The following MAPK10 variants were observed in gnomAD, a reference collection of about 807,000 sequenced individuals.
MAPK10 encodes the protein mitogen-activated protein kinase 10, also known as JNK3 alpha protein kinase.
In MAPK10, 25 loss-of-function variants were observed where a neutral mutation model predicts 59.3. That is an observed-to-expected ratio of 0.42 (90% CI 0.31 to 0.59). The LOEUF (loss-of-function observed/expected upper bound fraction) is 0.59, where lower values mean the gene tolerates loss of function less well. Ranked by LOEUF, MAPK10 falls within the 20% of genes least tolerant of loss-of-function variation. The pLI is 0.15. For synonymous variants in MAPK10, 190 were observed against 200.5 expected (o/e 0.95, Z 0.44); for missense variants, 351 against 568.9 (o/e 0.62, Z 3.90).
intron 2 of MAPK10, among the ~76,000 whole-genome samples, chr4:86,240,620 T>C (rs1280085382): frequency 2.0e-5 from 3 of 152,212 alleles, no homozygotes; most frequent in Admixed American, 6.5e-5. Flanking sequence ...TGGATCTTTG[T>C]TGGTTGAAAG....
At chr4:86,348,101 C>T (rs951433710) in intron 2 of MAPK10, among the ~76,000 whole-genome samples, 14 of 152,122 alleles carry the variant, frequency 9.2e-5, no homozygotes, top group African/African-American at 2.7e-4. Context: ...TTTCTCTTCA[C>T]TTTGATTGTT....
At chr4:86,220,784 A>G (rs2089308264) in intron 2 of MAPK10, among the ~76,000 whole-genome samples, 3 of 151,852 alleles carry the variant, frequency 2.0e-5, no homozygotes, top group Admixed American at 2.0e-4. Flanking sequence ...TAGCATTTGG[A>G]TCAAGGCAAA....
At chr4:86,067,659 G>A in intron 10 of MAPK10, 114 bp downstream of exon 10, 2 of 861,548 alleles carry the variant, frequency 2.3e-6, no homozygotes, top group Non-Finnish European at 1.7e-6. Flanking sequence ...CGATTATCAT[G>A]TGTCAACTAA....
intron 9 of MAPK10, among the ~76,000 whole-genome samples, chr4:86,085,750 A>T (rs568994544): frequency 6.6e-6 from 1 of 152,298 alleles, no homozygotes; most frequent in East Asian, 1.9e-4. Context: ...GGGTATATAA[A>T]CAAAAGAAAG....
At chr4:86,204,137 A>C (rs1405499417) in intron 2 of MAPK10, among the ~76,000 whole-genome samples, 1 of 152,018 alleles carries the variant, frequency 6.6e-6, no homozygotes, top group Non-Finnish European at 1.5e-5. Flanking sequence ...GATACTTATT[A>C]GTTGGCCTTT....
chr4:86,021,252 T>C (rs1445462670), intron 13 of MAPK10, among the ~76,000 whole-genome samples: 2 of 151,958 alleles, frequency 1.3e-5, no homozygotes, highest in Non-Finnish European at 2.9e-5. Context: ...ATCCCTGAGC[T>C]AGACATAAAG....
rs61032452 is a variant in MAPK10, at chr4:86,194,725, C to CA, written c.-6-319dup. Among the ~76,000 whole-genome samples the CA allele has an allele frequency of 5.9e-3, 876 of 149,134 alleles. 9 individuals carry two copies. The highest frequency in any genetic ancestry group is 0.02 in the African/African-American group (802 of 40,728). ...TTTTCAGTTCTTAACATTTAATTTA[C>CA]AAAAAAAAACTCTCAAACATATGCT... On this transcript the variant is annotated intron_variant, in intron 2 of 13. Coordinates refer to ENST00000641462, the MANE Select transcript of MAPK10 (RefSeq NM_138982.4).
chr4:86,337,054 G>C (rs1205317141), intron 2 of MAPK10, among the ~76,000 whole-genome samples: 1 of 152,084 alleles, frequency 6.6e-6, no homozygotes, highest in African/African-American at 2.4e-5. Context: ...CTCCCAAAGT[G>C]CTGGGATTAC....
chr4:86,503,134 ATC>A (rs541780835), intron 1 of MAPK10, among the ~76,000 whole-genome samples: 1 of 152,132 alleles, frequency 6.6e-6, no homozygotes, highest in Non-Finnish European at 1.5e-5. Flanking sequence ...TAAGGGTATC[ATC>A]TTTCCCAAAC....
chr4:86,564,006 A>T (rs1760880190), intron 1 of MAPK10, among the ~76,000 whole-genome samples: 1 of 151,950 alleles, frequency 6.6e-6, no homozygotes, highest in African/African-American at 2.4e-5. Flanking sequence ...TAATTTTTGT[A>T]TTTTTAGTAG....
At chr4:86,445,592 T>G (rs904675197) in intron 1 of MAPK10, among the ~76,000 whole-genome samples, 50 of 151,600 alleles carry the variant, frequency 3.3e-4, no homozygotes, top group African/African-American at 1.2e-3. Context: ...AAATTTAAAT[T>G]TACACTGAAA....
chr4:86,372,041 A>G (rs1181207947), intron 1 of MAPK10, among the ~76,000 whole-genome samples: 1 of 152,204 alleles, frequency 6.6e-6, no homozygotes, highest in Non-Finnish European at 1.5e-5. Context: ...CCTAATAGAC[A>G]TCTACAGAAC....
chr4:86,280,157 ATAGAG>A (rs2094742227), intron 2 of MAPK10, among the ~76,000 whole-genome samples: 1 of 152,192 alleles, frequency 6.6e-6, no homozygotes, highest in African/African-American at 2.4e-5. Flanking sequence ...GAAACTATCA[ATAGAG>A]TAAACAGACA....
chr4:86,500,469 T>G (rs1318919932), intron 1 of MAPK10, among the ~76,000 whole-genome samples: 1 of 152,110 alleles, frequency 6.6e-6, no homozygotes, highest in East Asian at 1.9e-4. Context: ...TCTCTGAAAT[T>G]TATTTCACAA....
At chr4:86,554,087 G>A (rs1424809578) in intron 1 of MAPK10, among the ~76,000 whole-genome samples, 2 of 151,988 alleles carry the variant, frequency 1.3e-5, no homozygotes, top group Non-Finnish European at 2.9e-5. Context: ...GGCAGGACGA[G>A]GGGGTAGTCA....
At chr4:86,496,748 G>C (rs1198417751) in intron 1 of MAPK10, among the ~76,000 whole-genome samples, 2 of 152,012 alleles carry the variant, frequency 1.3e-5, no homozygotes, top group Admixed American at 1.3e-4. Flanking sequence ...TCTATTTTCC[G>C]ATGACAATTA....
At chr4:86,474,180 T>C (rs2149067311) in intron 1 of MAPK10, among the ~76,000 whole-genome samples, 1 of 152,360 alleles carries the variant, frequency 6.6e-6, no homozygotes, top group African/African-American at 2.4e-5. Context: ...ACTTTTGGCA[T>C]ATCATTGGTG....
chr4:86,107,380 T>C, intron 4 of MAPK10, 28 bp from the exon 5 acceptor site: 1 of 1,593,820 alleles, frequency 6.3e-7, no homozygotes, highest in Non-Finnish European at 8.5e-7. Flanking sequence ...CAACTCAGAA[T>C]TAAGAACAAA....
At position 86,553,365 on chromosome 4, in the gene MAPK10, G is replaced by A. The variant is rs929528192; in HGVS notation, c.-263+40545C>T. Among the ~76,000 whole-genome samples, 9 of 152,144 alleles carry A rather than the reference G, an allele frequency of 5.9e-5. 1 individual carries two copies. Among genetic ancestry groups the A allele is most frequent in the Non-Finnish European group, 1.3e-4 (9 of 68,022 alleles). ...GGAAGGGAGGAGAAAGGATAAAAGA[G>A]CCCACAAAGCTGAGAGAGGGCTTGG... On this transcript the variant is annotated intron_variant, in intron 1 of 4. Coordinates refer to the MAPK10 transcript ENST00000502302.
Sources: gnomAD v4.1 joint callset for allele counts (sites outside exome capture counted in the v4.1 genomes callset) on GRCh38, gnomAD v4.1.1 for gene constraint, MANE v1.5 for transcripts, NCBI Gene and HGNC (gene_info 2026-07-23, HGNC 2026-07-21) for gene names.